The following RAD18 variants were observed in gnomAD, a reference collection of about 807,000 sequenced individuals.
RAD18 encodes the protein E3 ubiquitin-protein ligase RAD18.
In RAD18, 47 loss-of-function variants were observed where a neutral mutation model predicts 60.4. The observed-to-expected ratio is 0.78, with a 90% CI of 0.62 to 0.99. The LOEUF is 0.99. Among genes scored for constraint, RAD18 ranks in the 50% least tolerant of loss-of-function variants. The probability of loss-of-function intolerance (pLI) is 0.00; values close to 1 mark genes in which losing one functional copy is unlikely to be tolerated. For missense variants in RAD18, 640 were observed against 593.3 expected (o/e 1.08, Z -0.82); for synonymous variants, 225 against 195.5 (o/e 1.15, Z -1.26).
intron 11 of RAD18, among the ~76,000 whole-genome samples, chr3:8,891,075 A>T (rs1344956220): frequency 7.7e-5 from 2 of 25,972 alleles, no homozygotes; most frequent in East Asian, 5.0e-4. Context: ...ATATATATAA[A>T]ATATATATAT....
rs143400937 is a variant in RAD18, at chr3:8,908,622, C to T, written c.1027+3690G>A. On this transcript the variant is annotated intron_variant, in intron 9 of 12. Transcript: ENST00000264926. ...ACTTCTAGCTTCCAGAACCACAAGA[C>T]AATAAATTTGTTATTTAAGCCATGC... 2.7e-4 allele frequency among the ~76,000 whole-genome samples: 41 copies of T among 152,250 alleles called. 1 individual carries two copies. The highest frequency in any genetic ancestry group is 7.2e-4 in the Admixed American group (11 of 15,286).
chr3:8,885,888 A>G (rs1939553430), intron 12 of RAD18, among the ~76,000 whole-genome samples: 1 of 152,208 alleles, frequency 6.6e-6, no homozygotes, highest in Non-Finnish European at 1.5e-5. Context: ...AAGGCACCCA[A>G]CTGCTCAGCC....
In RAD18 at chr3:8,935,937, T is replaced by C; in HGVS notation, c.823A>G (p.Ile275Val). 2 of 1,612,306 alleles carry C rather than the reference T, an allele frequency of 1.2e-6. No homozygotes were observed. Among genetic ancestry groups the C allele is most frequent in the Non-Finnish European group, 1.7e-6 (2 of 1,178,852 alleles). The change falls in exon 7 of 13, where the codon ATT becomes GTT. Residue 275 changes from isoleucine (I) to valine (V), a missense_variant. By Grantham distance (29) the Ile-to-Val change is conservative (BLOSUM62 3). Coordinates refer to ENST00000264926, the MANE Select transcript of RAD18 (RefSeq NM_020165.4). ...LSIQGNKQQLIKRHQEFVHMY... is the reference protein window; with the variant it reads ...LSIQGNKQQLVKRHQEFVHMY... ...TGTACAAATTCTTGGTGCCTTTTAA[T>C]GAGCTGTTGTTTATTTCCTTGAATA...
Position 8,898,780 on chromosome 3 carries a change from A to G in RAD18, c.1322+114T>C, listed in dbSNP as rs45541133. 4,901 of 910,842 alleles carry G rather than the reference A, an allele frequency of 5.4e-3. 145 individuals carry two copies. In the African/African-American group the frequency reaches 0.07, roughly 13 times the overall value. 56.4% of individuals were successfully genotyped at this position (910,842 alleles called of 1,614,324 possible). A position where few individuals can be genotyped will look rare whatever the true frequency, so the allele number is the denominator to read the frequency against. On this transcript the variant is annotated intron_variant, in intron 11 of 12. Transcript: ENST00000264926. ...AGCAGTAAAAGGGGACTGAAATGTA[A>G]GAGTGACACACCATGCCATGCCTCA...
intron 11 of RAD18, among the ~76,000 whole-genome samples, chr3:8,895,227 C>T (rs1939764391): frequency 6.6e-6 from 1 of 151,934 alleles, no homozygotes; most frequent in African/African-American, 2.4e-5. Context: ...ATAAAATACA[C>T]ACAGTAATGA....
At chr3:8,956,178 ACTT>A (rs1377370701) in intron 2 of RAD18, among the ~76,000 whole-genome samples, 8 of 152,250 alleles carry the variant, frequency 5.3e-5, no homozygotes, top group African/African-American at 1.9e-4. Context: ...TCACCTTTTC[ACTT>A]AAAGGAAGCA....
intron 7 of RAD18, among the ~76,000 whole-genome samples, chr3:8,925,817 AT>A (rs1940422802): frequency 6.6e-6 from 1 of 152,216 alleles, no homozygotes; most frequent in African/African-American, 2.4e-5. Context: ...AAACCACATG[AT>A]TATCTCAATA....
In RAD18 at chr3:8,902,420, T is replaced by G; in HGVS notation, c.1128A>C (p.Lys376Asn). 1 of 1,610,206 alleles carries G rather than the reference T, an allele frequency of 6.2e-7. No individual in the cohort carries two copies. The highest frequency in any genetic ancestry group is 8.5e-7 in the Non-Finnish European group (1 of 1,177,682). Residue 376 changes from lysine to asparagine, a missense_variant, in exon 10 of 13, where the codon AAA becomes AAC. Coordinates refer to ENST00000264926, the MANE Select transcript of RAD18 (RefSeq NM_020165.4). ...GMSQKTVTIT[K>N]EDESTEKLSS... ...ATAGCTTTTCTGTAGATTCATCTTC[T>G]TTTGTTATTGTTACTGTTTTTTGTG...
Position 8,935,913 on chromosome 3 carries a change from G to A in RAD18, c.847C>T (p.His283Tyr). 1 of 1,611,458 alleles carries A rather than the reference G, an allele frequency of 6.2e-7. No individual in the cohort carries two copies. The highest frequency in any genetic ancestry group is 8.5e-7 in the Non-Finnish European group (1 of 1,178,640). ...QLIKRHQEFV[H>Y]MYNAQCDALH... Reference sequence around the variant, plus strand: ...GCATCGCATTGGGCATTGTACATGTGTACAAATTCTTGGTGCCTTTTAATG... The same window carrying A: ...GCATCGCATTGGGCATTGTACATGTATACAAATTCTTGGTGCCTTTTAATG... The change falls in exon 7 of 13, where the codon CAC (histidine) becomes TAC (tyrosine). Residue 283 changes from histidine to tyrosine, a missense_variant. His to Tyr is a moderately conservative substitution (Grantham distance 83, BLOSUM62 2). Coordinates refer to ENST00000264926, the MANE Select transcript of RAD18 (RefSeq NM_020165.4).
intron 7 of RAD18, among the ~76,000 whole-genome samples, chr3:8,930,501 T>A (rs896978103): frequency 2.0e-5 from 3 of 152,172 alleles, no homozygotes; most frequent in African/African-American, 7.2e-5. Flanking sequence ...TCTGTGAATA[T>A]ACTGAAAACC....
At chr3:8,933,925 C>T (rs1263311368) in intron 7 of RAD18, among the ~76,000 whole-genome samples, 1 of 152,312 alleles carries the variant, frequency 6.6e-6, no homozygotes, top group South Asian at 2.1e-4. Flanking sequence ...TTAAGACACA[C>T]ATTATTTATC....
chr3:8,930,382 T>C (rs1940532112), intron 7 of RAD18, among the ~76,000 whole-genome samples: 1 of 152,110 alleles, frequency 6.6e-6, no homozygotes, highest in African/African-American at 2.4e-5. Context: ...CAGAAGTAAA[T>C]TAGTGGCTAT....
chr3:8,911,484 T>C (rs1304842995), intron 9 of RAD18, among the ~76,000 whole-genome samples: 3 of 152,204 alleles, frequency 2.0e-5, no homozygotes, highest in Admixed American at 6.5e-5. Flanking sequence ...ATCATACTTA[T>C]CTGTCCAGCA....
chr3:8,910,752 C>T (rs1940093156), intron 9 of RAD18, among the ~76,000 whole-genome samples: 1 of 152,136 alleles, frequency 6.6e-6, no homozygotes, highest in South Asian at 2.1e-4. Flanking sequence ...GGAAGGGAAG[C>T]AAAGGTAGGG....
intron 12 of RAD18, among the ~76,000 whole-genome samples, chr3:8,888,602 C>G (rs541197392): frequency 6.6e-6 from 1 of 152,228 alleles, no homozygotes; most frequent in Non-Finnish European, 1.5e-5. Flanking sequence ...AACTACATCA[C>G]AGCAGAAGTT....
intron 9 of RAD18, among the ~76,000 whole-genome samples, chr3:8,906,906 C>A (rs558784788): frequency 1.3e-5 from 2 of 151,408 alleles, no homozygotes; most frequent in East Asian, 3.9e-4. Flanking sequence ...TGGGTTATTT[C>A]GAAATGGATT....
chr3:8,906,067 G>A (rs968166419), intron 9 of RAD18, among the ~76,000 whole-genome samples: 1 of 152,150 alleles, frequency 6.6e-6, no homozygotes, highest in Non-Finnish European at 1.5e-5. Context: ...AACCTAGAGT[G>A]TGAATTATGA....
In RAD18 at chr3:8,939,564, T is replaced by C; in HGVS notation, c.694A>G (p.Ser232Gly). ...SCLSREEKKESLRSSVHKRKP... is the reference protein window; with the variant it reads ...SCLSREEKKEGLRSSVHKRKP... ...GCTCAACTTCCTTACCTTCTGAGGC[T>C]TTCCTTCTTCTCTTCGCGTGATAAA... Residue 232 changes from serine to glycine, a missense_variant, in exon 6 of 13, where the codon AGC becomes GGC. Coordinates refer to ENST00000264926, the MANE Select transcript of RAD18 (RefSeq NM_020165.4). 3 of 1,612,148 alleles carry C rather than the reference T, an allele frequency of 1.9e-6. No individual in the cohort carries two copies. Among genetic ancestry groups the C allele is most frequent in the Non-Finnish European group, 2.5e-6 (3 of 1,178,626 alleles).
At chr3:8,892,007 G>A (rs540805032) in intron 11 of RAD18, among the ~76,000 whole-genome samples, 1 of 152,282 alleles carries the variant, frequency 6.6e-6, no homozygotes, top group East Asian at 1.9e-4. Flanking sequence ...TTATCACTCA[G>A]ATCGCTTCCC....
Sources: allele counts gnomAD v4.1 joint callset (sites outside exome capture counted in the v4.1 genomes callset), GRCh38; gene constraint gnomAD v4.1.1; transcripts MANE v1.5; gene names NCBI Gene and HGNC (gene_info 2026-07-23, HGNC 2026-07-21).